TCP11L2: variants seen among roughly 807,000 people sequenced by gnomAD.
TCP11L2 encodes T-complex protein 11-like protein 2.
A neutral mutation model predicts 50.7 loss-of-function variants in TCP11L2; 39 were observed. That is an observed-to-expected ratio of 0.77 (90% CI 0.60 to 1.01). The LOEUF (loss-of-function observed/expected upper bound fraction) is 1.01, where lower values mean the gene tolerates loss of function less well. TCP11L2 is among the 50% of genes least tolerant of loss of function. The pLI is 0.00. For synonymous variants in TCP11L2, 192 were observed against 219.3 expected (o/e 0.88, Z 1.10); for missense variants, 612 against 614.7 (o/e 1.00, Z 0.05).
At chr12:106,335,064 G>A (rs2035870120) in intron 6 of TCP11L2, among the ~76,000 whole-genome samples, 4 of 152,294 alleles carry the variant, frequency 2.6e-5, no homozygotes, top group South Asian at 2.1e-4. Flanking sequence ...ACATGTGCAC[G>A]TGATTGTGCA....
At chr12:106,305,432 A>G (rs1272732288) in intron 1 of TCP11L2, among the ~76,000 whole-genome samples, 1 of 152,178 alleles carries the variant, frequency 6.6e-6, no homozygotes, top group African/African-American at 2.4e-5. Flanking sequence ...AATGCACTGA[A>G]GTAGGCACTG....
At chr12:106,330,100 C>G in intron 6 of TCP11L2, 1 of 985,320 alleles carries the variant, frequency 1.0e-6, no homozygotes, top group Non-Finnish European at 1.2e-6. Context: ...GTATAAAAAG[C>G]AATTTGTTTC....
At position 106,311,046 on chromosome 12, in the gene TCP11L2, A is replaced by G. The variant is rs775402209; in HGVS notation, c.-30A>G. ...GGGTCTGTTTGTCTGTGCAGGTGCT[A>G]CCTTTTTACCCACACTTAAGTGACG... On this transcript the variant is annotated 5_prime_UTR_variant, in exon 2 of 10. Transcript: ENST00000299045. 6.2e-7 allele frequency: 1 copy of G among 1,611,406 alleles called. No individual in the cohort carries two copies. Among genetic ancestry groups the G allele is most frequent in the African/African-American group, 1.3e-5 (1 of 74,900 alleles).
At chr12:106,325,754 G>A (rs2035515237) in intron 6 of TCP11L2, 1 of 152,084 alleles carries the variant, frequency 6.6e-6, no homozygotes. Context: ...TAGCCGGGAT[G>A]ATGGCAGGTG....
chr12:106,329,397 G>C (rs1258449345), intron 6 of TCP11L2: 1 of 1,535,872 alleles, frequency 6.5e-7, no homozygotes, highest in African/African-American at 1.4e-5. Flanking sequence ...AGCAGTCACC[G>C]TGCCAGCCTG....
At chr12:106,298,430 G>A (rs762898378), upstream of TCP11L2, among the ~76,000 whole-genome samples, 1 of 152,134 alleles carries the variant, frequency 6.6e-6, no homozygotes, top group Admixed American at 6.5e-5. Context: ...CCCCCTCACT[G>A]ATTTTTGGCC....
At chr12:106,320,417 GAA>G (rs1284697056) in intron 4 of TCP11L2, among the ~76,000 whole-genome samples, 1 of 151,998 alleles carries the variant, frequency 6.6e-6, no homozygotes, top group Admixed American at 6.6e-5. Flanking sequence ...GAAAAGAAAA[GAA>G]AGAAAAAAGA....
At chr12:106,312,797 G>A (rs201931296) in intron 2 of TCP11L2, among the ~76,000 whole-genome samples, 6 of 152,008 alleles carry the variant, frequency 3.9e-5, no homozygotes, top group African/African-American at 9.7e-5. Flanking sequence ...CAGGAGAATC[G>A]CTTGAACCTG....
chr12:106,321,648 G>T lies in TCP11L2; in HGVS notation c.577G>T (p.Val193Leu). The stretch of plus-strand genomic sequence containing the variant: ...TACGATGGGAAAGCTGTGTGCTCCC[G>T]TGCGAGATAATGATATCAGAGAGTT... ...ISTMGKLCAP[V>L]RDNDIRELKA... The change falls in exon 5 of 10, where the codon GTG becomes TTG. Residue 193 changes from valine to leucine, a missense_variant. Val to Leu is a conservative substitution (Grantham distance 32). Coordinates refer to ENST00000299045, the MANE Select transcript of TCP11L2 (RefSeq NM_152772.3). The T allele has an allele frequency of 6.2e-7, 1 of 1,614,160 alleles. No individual in the cohort carries two copies. The highest frequency in any genetic ancestry group is 8.5e-7 in the Non-Finnish European group (1 of 1,180,040).
intron 1 of TCP11L2, among the ~76,000 whole-genome samples, chr12:106,308,727 G>C (rs1242328483): frequency 6.6e-6 from 1 of 152,200 alleles, no homozygotes; most frequent in African/African-American, 2.4e-5. Context: ...TAATAAGATA[G>C]GCTTAAGCAG....
In TCP11L2 at chr12:106,321,526, G is replaced by A. The variant is rs138884019; in HGVS notation, c.455G>A (p.Arg152His). 77 of 1,614,068 alleles carry A rather than the reference G, an allele frequency of 4.8e-5. No individual in the cohort carries two copies. In the African/African-American group the frequency reaches 5.9e-4, roughly 12 times the overall value. The change falls in exon 5 of 10, where the codon CGC (arginine) becomes CAC (histidine). Residue 152 changes from arginine (R) to histidine (H), a missense_variant. Transcript: ENST00000299045. ...CTCACTCCCGGTGGCAACCGGCTTC[G>A]CAACCAAATCTGTGAAGTTTTGGAC... is the stretch of plus-strand genomic sequence containing the variant. ...SFLTPGGNRL[R>H]NQICEVLDTD...
intron 2 of TCP11L2, among the ~76,000 whole-genome samples, chr12:106,313,202 A>G (rs2034926044): frequency 6.6e-6 from 1 of 152,208 alleles, no homozygotes; most frequent in Non-Finnish European, 1.5e-5. Flanking sequence ...GAGGAAGGCT[A>G]TGCCTCAGTG....
At chr12:106,329,729 A>G in intron 6 of TCP11L2, 1 of 1,053,140 alleles carries the variant, frequency 9.5e-7, no homozygotes. Context: ...AAATGATTAA[A>G]CTTGCAGTAT....
chr12:106,317,750 G>A (rs1468944269), intron 3 of TCP11L2, among the ~76,000 whole-genome samples: 1 of 152,158 alleles, frequency 6.6e-6, no homozygotes, highest in African/African-American at 2.4e-5. Flanking sequence ...AGAGAAGTTA[G>A]GTAGGAATGT....
chr12:106,328,630 GCTA>G (rs1178140727), intron 6 of TCP11L2, among the ~76,000 whole-genome samples: 1 of 152,160 alleles, frequency 6.6e-6, no homozygotes, highest in Non-Finnish European at 1.5e-5. Context: ...AAACCAAGCT[GCTA>G]CTTTTTCAGC....
upstream of TCP11L2, chr12:106,302,029 G>A (rs2034431284): frequency 6.6e-6 from 1 of 152,416 alleles, no homozygotes; most frequent in Non-Finnish European, 1.5e-5. Context: ...TGGAGGTGTA[G>A]ACGCAACTGG....
intron 1 of TCP11L2, chr12:106,303,747 T>C (rs1396659496): frequency 2.0e-5 from 3 of 152,228 alleles, no homozygotes; most frequent in African/African-American, 7.2e-5. Flanking sequence ...AGTTTCACAA[T>C]GATAGAGTTT....
chr12:106,323,387 C>A, intron 5 of TCP11L2, 123 bp from the exon 6 acceptor site: 1 of 770,410 alleles, frequency 1.3e-6, no homozygotes, highest in Non-Finnish European at 1.9e-6. Flanking sequence ...TACCAAATGG[C>A]AATTGGAACT....
chr12:106,303,876 C>T (rs1481017633), intron 1 of TCP11L2: 1 of 152,128 alleles, frequency 6.6e-6, no homozygotes, highest in African/African-American at 2.4e-5. Flanking sequence ...GGCACTCAAA[C>T]GACTTAAGTT....
Sources: allele counts gnomAD v4.1 joint callset (sites outside exome capture counted in the v4.1 genomes callset), GRCh38; gene constraint gnomAD v4.1.1; transcripts MANE v1.5; gene names NCBI Gene and HGNC (gene_info 2026-07-23, HGNC 2026-07-21).